Variants in TRDMT1 observed in about 807,000 individuals in gnomAD.
TRDMT1 encodes the protein tRNA (cytosine(38)-C(5))-methyltransferase.
Under a neutral mutation model 51.2 loss-of-function variants are expected in TRDMT1, and 49 were observed. That is an observed-to-expected ratio of 0.96 (90% CI 0.76 to 1.21). The LOEUF (loss-of-function observed/expected upper bound fraction) is 1.21. Ranked by LOEUF, TRDMT1 falls within the 50% of genes most tolerant of loss-of-function variation. TRDMT1 has a pLI of 0.00. For synonymous variants in TRDMT1, 187 were observed against 164.6 expected, an observed-to-expected ratio of 1.14 and a Z score of -1.04; for missense variants, 534 against 462.3, an observed-to-expected ratio of 1.16 and a Z score of -1.42.
chr10:17,165,469 T>C lies in TRDMT1; in HGVS notation c.252-3232A>G, dbSNP rs1326865346. Reference sequence around the variant, plus strand: ...AGGACATAGGCATGGGCAAGGACTTTATGTCTAAAACACCAAAAGCAATGG... The same window carrying C: ...AGGACATAGGCATGGGCAAGGACTTCATGTCTAAAACACCAAAAGCAATGG... On this transcript the variant is annotated intron_variant, in intron 3 of 10. Coordinates refer to ENST00000377799, the MANE Select transcript of TRDMT1 (RefSeq NM_004412.7). Among the ~76,000 whole-genome samples the C allele has an allele frequency of 7.8e-3, 1,170 of 149,466 alleles. 16 individuals are homozygous for C. The highest frequency in any genetic ancestry group is 0.026 in the African/African-American group (1,042 of 40,580).
intron 1 of TRDMT1, among the ~76,000 whole-genome samples, chr10:17,193,027 A>G (rs1844904681): frequency 6.6e-6 from 1 of 152,162 alleles, no homozygotes; most frequent in Non-Finnish European, 1.5e-5. Context: ...CACTCTATTC[A>G]ACATAGTATT....
chr10:17,150,729 C>A (rs538951489), intron 10 of TRDMT1: 1 of 984,920 alleles, frequency 1.0e-6, no homozygotes, highest in African/African-American at 1.7e-5. Flanking sequence ...GCTTCATTGA[C>A]ACTTGACATT....
At chr10:17,155,894 T>C (rs563896615) in intron 8 of TRDMT1, among the ~76,000 whole-genome samples, 14 of 152,360 alleles carry the variant, frequency 9.2e-5, no homozygotes, top group African/African-American at 2.9e-4. Context: ...TCTTTATAAT[T>C]AGAAAAGAAT....
chr10:17,155,070 A>T lies in TRDMT1; in HGVS notation c.888-336T>A, dbSNP rs571878787. The stretch of plus-strand genomic sequence containing the variant: ...AATCCTGTCTCTACTAAAAATATTT[A>T]AAAAATGAGCCAGGCGTGGTGGTGC... On this transcript the variant is annotated intron_variant, in intron 8 of 10. Coordinates refer to ENST00000377799, the MANE Select transcript of TRDMT1 (RefSeq NM_004412.7). Among the ~76,000 whole-genome samples, 30 of 152,140 alleles carry T rather than the reference A, an allele frequency of 2.0e-4. 1 individual carries two copies. Among genetic ancestry groups the T allele is most frequent in the Middle Eastern group, 3.4e-3 (1 of 294 alleles).
At chr10:17,151,418 C>G in intron 10 of TRDMT1, 2 of 979,498 alleles carry the variant, frequency 2.0e-6, no homozygotes, top group Non-Finnish European at 2.4e-6. Context: ...AGAACCAGGA[C>G]AGAGGGTTTG....
chr10:17,186,049 T>TAATAAATA (rs10688504), intron 1 of TRDMT1, among the ~76,000 whole-genome samples: 28,183 of 142,828 alleles, frequency 0.2, 3,372 homozygotes, highest in East Asian at 0.32. Flanking sequence ...ACTTACAGTA[T>TAATAAATA]AATAAATAAA....
Position 17,138,284 on chromosome 10 carries a change from G to A in TRDMT1, c.*10756C>T, listed in dbSNP as rs900320630. On this transcript the variant is annotated 3_prime_UTR_variant, in exon 11 of 11. Transcript: ENST00000377799. Reference sequence around the variant, plus strand: ...TAATGGAAACATTTGTGAATATAACGATCTTTTAACCTTCATGACACTTAA... The same window carrying A: ...TAATGGAAACATTTGTGAATATAACAATCTTTTAACCTTCATGACACTTAA... Among the ~76,000 whole-genome samples the A allele has an allele frequency of 3.3e-5, 5 of 152,102 alleles. No homozygotes were observed. The highest frequency in any genetic ancestry group is 2.0e-4 in the Admixed American group (3 of 15,264).
At chr10:17,182,532 GTAAT>G (rs1843397560) in intron 1 of TRDMT1, among the ~76,000 whole-genome samples, 1 of 152,182 alleles carries the variant, frequency 6.6e-6, no homozygotes, top group Non-Finnish European at 1.5e-5. Context: ...CTGTAAATAA[GTAAT>G]TAATTAACCA....
At chr10:17,201,342 A>C (rs1340577781) in intron 1 of TRDMT1, 13 of 505,336 alleles carry the variant, frequency 2.6e-5, no homozygotes, top group South Asian at 1.7e-4. Context: ...TTGAGGCGCC[A>C]TGTGCGGCCC....
In TRDMT1 at chr10:17,139,253, A is replaced by T; in HGVS notation, c.*9787T>A. On this transcript the variant is annotated 3_prime_UTR_variant, in exon 11 of 11. Coordinates refer to ENST00000377799, the MANE Select transcript of TRDMT1 (RefSeq NM_004412.7). The stretch of plus-strand genomic sequence containing the variant: ...CTTGGTGACCCCTAAAATTCCCCAA[A>T]CAAGGCGGTGAAGTTAAATATTTAG... 1.0e-6 allele frequency: 1 copy of T among 979,464 alleles called. No individual in the cohort carries two copies. Among genetic ancestry groups the T allele is most frequent in the Non-Finnish European group, 1.2e-6 (1 of 824,514 alleles). 60.7% of individuals were successfully genotyped at this position (979,464 alleles called of 1,614,324 possible).
intron 1 of TRDMT1, among the ~76,000 whole-genome samples, chr10:17,195,556 T>C (rs890372401): frequency 4.6e-5 from 7 of 151,758 alleles, no homozygotes; most frequent in Non-Finnish European, 1.0e-4. Flanking sequence ...CATCACACAA[T>C]ATACCTAAGT....
At chr10:17,162,469 A>AG (rs1454785218) in intron 3 of TRDMT1, among the ~76,000 whole-genome samples, 1 of 152,152 alleles carries the variant, frequency 6.6e-6, no homozygotes, top group Non-Finnish European at 1.5e-5. Flanking sequence ...GCACTTTGGG[A>AG]GGTGAGGCAG....
chr10:17,179,971 CCA>C (rs1843073716), intron 1 of TRDMT1, among the ~76,000 whole-genome samples: 1 of 151,934 alleles, frequency 6.6e-6, no homozygotes, highest in Admixed American at 6.6e-5. Flanking sequence ...GAGGATAGTC[CCA>C]CTAAGCAATC....
intron 5 of TRDMT1, 111 bp downstream of exon 5, chr10:17,161,372 T>C: frequency 1.4e-6 from 1 of 731,366 alleles, no homozygotes; most frequent in Non-Finnish European, 1.9e-6. Flanking sequence ...ACATTTAATA[T>C]ATAAAATGTC....
chr10:17,161,368 A>G, intron 5 of TRDMT1, 115 bp downstream of exon 5: 3 of 680,876 alleles, frequency 4.4e-6, no homozygotes. Context: ...TAAGACATTT[A>G]ATATATAAAA....
chr10:17,184,072 T>C (rs1273017100), intron 1 of TRDMT1, among the ~76,000 whole-genome samples: 1 of 152,196 alleles, frequency 6.6e-6, no homozygotes, highest in Non-Finnish European at 1.5e-5. Context: ...CCAAAAAATG[T>C]AGAGCTGAAA....
At chr10:17,157,875 T>A in intron 7 of TRDMT1, 91 bp from the exon 8 acceptor site, 1 of 932,422 alleles carries the variant, frequency 1.1e-6, no homozygotes, top group Non-Finnish European at 1.6e-6. Context: ...GAAAACAACC[T>A]CATTAGCCTT....
chr10:17,171,503 G>GT (rs1297498382), intron 2 of TRDMT1: 1 of 152,266 alleles, frequency 6.6e-6, no homozygotes, highest in African/African-American at 2.4e-5. Flanking sequence ...TAACACCACT[G>GT]TAAGTGAGTG....
chr10:17,183,851 AG>A (rs1414080221), intron 1 of TRDMT1, among the ~76,000 whole-genome samples: 1 of 152,216 alleles, frequency 6.6e-6, no homozygotes, highest in African/African-American at 2.4e-5. Context: ...CAGACAAGAA[AG>A]GTTTGGCTCT....
Sources: allele counts gnomAD v4.1 joint callset (sites outside exome capture counted in the v4.1 genomes callset), GRCh38; gene constraint gnomAD v4.1.1; transcripts MANE v1.5; gene names NCBI Gene and HGNC (gene_info 2026-07-23, HGNC 2026-07-21).